Variants in NTRK3 observed in about 807,000 individuals in gnomAD.
NTRK3 encodes the protein neurotrophic receptor tyrosine kinase 3.
In NTRK3, 24 loss-of-function variants were observed where a neutral mutation model predicts 91.7. The observed-to-expected ratio is 0.26, with a 90% CI of 0.19 to 0.37. NTRK3 has a LOEUF of 0.37. NTRK3 is among the 10% of genes least tolerant of loss of function. The pLI is 1.00. For missense variants in NTRK3, 880 were observed against 1,068.9 expected, an observed-to-expected ratio of 0.82 and a Z score of 2.46; for synonymous variants, 483 against 404.0, an observed-to-expected ratio of 1.20 and a Z score of -2.34.
At chr15:87,898,190 C>G (rs902040834) in intron 17 of NTRK3, among the ~76,000 whole-genome samples, 1 of 152,180 alleles carries the variant, frequency 6.6e-6, no homozygotes, top group Non-Finnish European at 1.5e-5. Context: ...GCCCAATTAC[C>G]CTTACAATGA....
chr15:88,068,107 C>T (rs187228613), intron 13 of NTRK3, among the ~76,000 whole-genome samples: 2 of 152,054 alleles, frequency 1.3e-5, no homozygotes, highest in South Asian at 2.1e-4. Context: ...TTAAGTGATA[C>T]AAGAAAGAAA....
intron 3 of NTRK3, among the ~76,000 whole-genome samples, chr15:88,231,832 G>T (rs918620845): frequency 6.6e-6 from 1 of 152,074 alleles, no homozygotes; most frequent in Admixed American, 6.6e-5. Flanking sequence ...CAGAGTAGGG[G>T]GGATTTTTTC....
chr15:88,028,142 G>C (rs150398475), intron 14 of NTRK3, among the ~76,000 whole-genome samples: 168 of 151,564 alleles, frequency 1.1e-3, no homozygotes, highest in African/African-American at 3.5e-3. Context: ...TCAGCAGAAA[G>C]CTGAAGAAGA....
intron 17 of NTRK3, among the ~76,000 whole-genome samples, chr15:87,916,989 C>G (rs2067492968): frequency 6.6e-6 from 1 of 152,322 alleles, no homozygotes; most frequent in African/African-American, 2.4e-5. Flanking sequence ...GTCTCGAGCT[C>G]CTAACCTCAA....
chr15:87,894,827 T>C (rs959262696), intron 17 of NTRK3, among the ~76,000 whole-genome samples: 2 of 152,182 alleles, frequency 1.3e-5, no homozygotes, highest in African/African-American at 4.8e-5. Flanking sequence ...CCTCCTCCCC[T>C]GCTCTACTCT....
chr15:88,111,003 G>T (rs1004345549), intron 13 of NTRK3, among the ~76,000 whole-genome samples: 1 of 152,180 alleles, frequency 6.6e-6, no homozygotes, highest in African/African-American at 2.4e-5. Flanking sequence ...ACAAGACTGG[G>T]CTGTGCAAGA....
At chr15:87,873,377 G>C (rs774019673) in exon 19 of NTRK3, 1 of 229,352 alleles carries the variant, frequency 4.4e-6, no homozygotes, top group Non-Finnish European at 8.6e-6. Flanking sequence ...GGCAGAGTTA[G>C]GTTCACATCC....
chr15:87,984,197 A>C (rs906438122), intron 14 of NTRK3, among the ~76,000 whole-genome samples: 8 of 152,230 alleles, frequency 5.3e-5, no homozygotes, highest in African/African-American at 1.4e-4. Context: ...TGGTAAGCCA[A>C]GCATGGTACC....
intron 3 of NTRK3, among the ~76,000 whole-genome samples, chr15:88,194,991 C>A (rs2047695670): frequency 1.3e-5 from 2 of 152,224 alleles, no homozygotes; most frequent in South Asian, 4.1e-4. Context: ...ATTCTCTGAA[C>A]CTTCCTCTAG....
At chr15:87,866,364 C>A (rs1173140873) in exon 19 of NTRK3, 1 of 178,620 alleles carries the variant, frequency 5.6e-6, no homozygotes, top group Admixed American at 6.4e-5. Context: ...TAGAAGGAAT[C>A]AAGAAAAGAA....
chr15:88,254,138 A>T (rs1380858353), intron 3 of NTRK3, among the ~76,000 whole-genome samples: 1 of 152,102 alleles, frequency 6.6e-6, no homozygotes, highest in Non-Finnish European at 1.5e-5. Context: ...TCTCTAGGTC[A>T]GGCTTCTGAG....
intron 17 of NTRK3, among the ~76,000 whole-genome samples, chr15:87,890,762 T>C (rs2065815100): frequency 6.6e-6 from 1 of 152,204 alleles, no homozygotes; most frequent in Non-Finnish European, 1.5e-5. Flanking sequence ...AATAATACTC[T>C]AGGCTCATCT....
In NTRK3 at chr15:88,098,612, G is replaced by A. The variant is rs187701667; in HGVS notation, c.1396+27659C>T. 1.6e-3 allele frequency: 375 copies of A among 230,818 alleles called. 5 individuals carry two copies. The Admixed American group carries it at 0.018, about 11-fold the overall frequency. 14.3% of individuals were successfully genotyped at this position (230,818 alleles called of 1,614,324 possible). On this transcript the variant is annotated intron_variant, in intron 13 of 18. Coordinates refer to ENST00000394480, the Ensembl canonical transcript of NTRK3. ...GGCCCCAGATAGCGGGCCAGCTATG[G>A]CGAGGTTGGAGTGAGGCCTAGAGAA...
chr15:88,205,022 G>C (rs1046778453), intron 3 of NTRK3, among the ~76,000 whole-genome samples: 13 of 152,214 alleles, frequency 8.5e-5, no homozygotes, highest in African/African-American at 3.1e-4. Flanking sequence ...TCCCACATCA[G>C]TCCTGCCCTT....
At chr15:88,120,898 C>T (rs564485701) in intron 13 of NTRK3, among the ~76,000 whole-genome samples, 57 of 152,304 alleles carry the variant, frequency 3.7e-4, no homozygotes, top group African/African-American at 1.2e-3. Flanking sequence ...GTCTCAGTTT[C>T]CTTAGCTGTA....
intron 14 of NTRK3, among the ~76,000 whole-genome samples, chr15:87,987,481 C>T (rs1232954190): frequency 6.9e-6 from 1 of 144,168 alleles, no homozygotes; most frequent in East Asian, 1.9e-4. Context: ...GTGTCTTTCT[C>T]TCTCTATCTA....
chr15:87,881,912 T>A (rs528154279), intron 17 of NTRK3, among the ~76,000 whole-genome samples: 1 of 152,098 alleles, frequency 6.6e-6, no homozygotes, highest in East Asian at 1.9e-4. Flanking sequence ...TTCTTTTTTC[T>A]GAGACAGAGT....
At chr15:88,108,111 A>G (rs1277391170) in intron 13 of NTRK3, among the ~76,000 whole-genome samples, 1 of 152,186 alleles carries the variant, frequency 6.6e-6, no homozygotes, top group Non-Finnish European at 1.5e-5. Flanking sequence ...AAGTAACAGC[A>G]AGACTCCAGG....
intron 3 of NTRK3, among the ~76,000 whole-genome samples, chr15:88,209,397 C>G (rs939848103): frequency 1.3e-5 from 2 of 152,188 alleles, no homozygotes; most frequent in Non-Finnish European, 2.9e-5. Context: ...CCAGCTGGTG[C>G]TATTTGGAAG....
Sources: allele counts gnomAD v4.1 joint callset (sites outside exome capture counted in the v4.1 genomes callset), GRCh38; gene constraint gnomAD v4.1.1; transcripts MANE v1.5; gene names NCBI Gene and HGNC (gene_info 2026-07-23, HGNC 2026-07-21).